The following MICAL2 variants were observed in gnomAD, a reference collection of about 807,000 sequenced individuals.
MICAL2 encodes [F-actin]-monooxygenase MICAL2.
A neutral mutation model predicts 127.3 loss-of-function variants in MICAL2; 77 were observed. That is an observed-to-expected ratio of 0.60 (90% CI 0.50 to 0.73). The LOEUF (loss-of-function observed/expected upper bound fraction) is 0.73, where lower values mean the gene tolerates loss of function less well. MICAL2 is among the 30% of genes least tolerant of loss of function. The pLI is 0.00. For missense variants in MICAL2, 1,351 were observed against 1,434.4 expected (o/e 0.94, Z 0.94); for synonymous variants, 570 against 551.1 (o/e 1.03, Z -0.48).
intron 1 of MICAL2, among the ~76,000 whole-genome samples, chr11:12,278,302 T>A (rs1863740917): frequency 1.3e-5 from 2 of 152,204 alleles, no homozygotes; most frequent in African/African-American, 4.8e-5. Flanking sequence ...GCTGGAAAAA[T>A]ATTTTCTTTC....
chr11:12,344,472 CTATTATTATTAT>C (rs1555024327), intron 32 of MICAL2, among the ~76,000 whole-genome samples: 3,580 of 141,426 alleles, frequency 0.025, 123 homozygotes, highest in African/African-American at 0.085. Flanking sequence ...ATTCTAGAAA[CTATTATTATTAT>C]TATTATTATT....
downstream of MICAL2, chr11:12,358,894 T>C (rs2134917194): frequency 6.5e-6 from 1 of 153,444 alleles, no homozygotes; most frequent in East Asian, 1.9e-4. Flanking sequence ...CTTTTTTGTA[T>C]GGATGACCAG....
At chr11:12,239,255 C>T (rs756815286) in intron 16 of MICAL2, among the ~76,000 whole-genome samples, 181 bp from the exon 17 acceptor site, 2 of 152,204 alleles carry the variant, frequency 1.3e-5, no homozygotes, top group Non-Finnish European at 2.9e-5. Flanking sequence ...TTTGGAAAGA[C>T]GCATCCCTCC....
At chr11:12,122,452 C>G (rs938118102) in intron 1 of MICAL2, among the ~76,000 whole-genome samples, 2 of 152,200 alleles carry the variant, frequency 1.3e-5, no homozygotes, top group East Asian at 3.8e-4. Flanking sequence ...CACTCCGTCA[C>G]CCAGGCTGCA....
At chr11:12,243,924 GCATGT>G (rs1251926029) in intron 20 of MICAL2, 58 bp from the exon 21 acceptor site, 1 of 1,584,200 alleles carries the variant, frequency 6.3e-7, no homozygotes, top group Admixed American at 1.7e-5. Context: ...CATGATTGAG[GCATGT>G]ATCACCATGT....
chr11:12,239,682 C>G, intron 17 of MICAL2, 97 bp downstream of exon 17: 2 of 1,446,100 alleles, frequency 1.4e-6, no homozygotes, highest in East Asian at 4.7e-5. Flanking sequence ...CCAGCCAGGC[C>G]TGGTCCCAAG....
chr11:12,354,940 G>T lies in MICAL2; in HGVS notation c.5689+83G>T, dbSNP rs545234243. 2.6e-5 allele frequency: 34 copies of T among 1,293,442 alleles called. 1 individual carries two copies. Among genetic ancestry groups the T allele is most frequent in the Admixed American group, 6.1e-5 (3 of 49,142 alleles). 80.1% of individuals were successfully genotyped at this position (1,293,442 alleles called of 1,614,324 possible). A position where few individuals can be genotyped will look rare whatever the true frequency, so the allele number is the denominator to read the frequency against. Reference sequence around the variant, plus strand: ...TGTGCCACAAATCCCAGAGTGGGGCGCTCTTCCTGCCTGCCAGCCTGCAAG... The same window carrying T: ...TGTGCCACAAATCCCAGAGTGGGGCTCTCTTCCTGCCTGCCAGCCTGCAAG... On this transcript the variant is annotated intron_variant, in intron 34 of 34. Coordinates refer to the MICAL2 transcript ENST00000646065.
At chr11:12,120,576 G>A (rs1278279112) in intron 1 of MICAL2, among the ~76,000 whole-genome samples, 1 of 152,206 alleles carries the variant, frequency 6.6e-6, no homozygotes, top group East Asian at 1.9e-4. Context: ...AACCAGGGGA[G>A]GCTTCCTGGA....
At chr11:12,329,564 G>T (rs1008459297) in intron 32 of MICAL2, among the ~76,000 whole-genome samples, 18 of 152,094 alleles carry the variant, frequency 1.2e-4, no homozygotes, top group Non-Finnish European at 2.1e-4. Context: ...GAATAGTCCT[G>T]GGAAAATCAC....
intron 29 of MICAL2, among the ~76,000 whole-genome samples, chr11:12,314,777 T>G (rs1864215577): frequency 6.6e-6 from 1 of 151,996 alleles, no homozygotes. Context: ...TGAGTCACCT[T>G]GCCCGGCCAG....
Position 12,349,761 on chromosome 11 carries a change from C to T in MICAL2, c.5516-77C>T. Reference sequence around the variant, plus strand: ...CCCTTGTCACTACAAACATAACCTGCTAAAGTGGCTCAAAGCAGTTTGATC... The same window carrying T: ...CCCTTGTCACTACAAACATAACCTGTTAAAGTGGCTCAAAGCAGTTTGATC... On this transcript the variant is annotated intron_variant, in intron 32 of 34. Coordinates refer to the MICAL2 transcript ENST00000646065. 9 of 1,410,552 alleles carry T rather than the reference C, an allele frequency of 6.4e-6. No homozygotes were observed. In the South Asian group the frequency reaches 9.5e-5, roughly 15 times the overall value. 87.4% of individuals were successfully genotyped at this position (1,410,552 alleles called of 1,614,324 possible). A position where few individuals can be genotyped will look rare whatever the true frequency, so the allele number is the denominator to read the frequency against.
chr11:12,293,884 A>G (rs1276455560), downstream of MICAL2: 3 of 1,610,564 alleles, frequency 1.9e-6, no homozygotes, highest in African/African-American at 4.0e-5. Context: ...CCTTGGCTGG[A>G]GAAGACCGGG....
intron 2 of MICAL2, among the ~76,000 whole-genome samples, chr11:12,158,366 C>T (rs1192527364): frequency 6.6e-6 from 1 of 152,026 alleles, no homozygotes; most frequent in Non-Finnish European, 1.5e-5. Flanking sequence ...TTTGAAGAAT[C>T]GTAATGAGTA....
intron 2 of MICAL2, chr11:12,286,908 TAG>T (rs1863833638): frequency 2.6e-6 from 1 of 383,294 alleles, no homozygotes; most frequent in Non-Finnish European, 4.6e-6. Context: ...AAAAGTTTGG[TAG>T]AGTGTGTTGT....
intron 2 of MICAL2, among the ~76,000 whole-genome samples, chr11:12,147,579 A>G (rs1485210351): frequency 6.6e-6 from 1 of 152,250 alleles, no homozygotes; most frequent in African/African-American, 2.4e-5. Context: ...TAAATTGTCC[A>G]GACAAGATTA....
At chr11:12,358,404 C>T (rs1363665372) in exon 35 of MICAL2, 2 of 1,614,164 alleles carry the variant, frequency 1.2e-6, no homozygotes, top group Non-Finnish European at 1.7e-6. Flanking sequence ...AGGAACAACG[C>T]ATCAGAGAAA....
At chr11:12,242,863 T>A in intron 20 of MICAL2, 91 bp downstream of exon 20, 1 of 864,450 alleles carries the variant, frequency 1.2e-6, no homozygotes, top group Non-Finnish European at 1.8e-6. Context: ...AATTTTCTCC[T>A]CCTTCCTCCT....
intron 16 of MICAL2, among the ~76,000 whole-genome samples, chr11:12,238,371 C>A (rs994085575): frequency 6.6e-6 from 1 of 152,142 alleles, no homozygotes; most frequent in African/African-American, 2.4e-5. Context: ...TATGGAACTC[C>A]GTTTTATAAA....
At chr11:12,356,195 T>G (rs1939125483) in intron 34 of MICAL2, among the ~76,000 whole-genome samples, 1 of 152,198 alleles carries the variant, frequency 6.6e-6, no homozygotes, top group Non-Finnish European at 1.5e-5. Flanking sequence ...CCCTGTCAGA[T>G]GTATCCAAAA....
Sources: allele counts gnomAD v4.1 joint callset (sites outside exome capture counted in the v4.1 genomes callset), GRCh38; gene constraint gnomAD v4.1.1; transcripts MANE v1.5; gene names NCBI Gene and HGNC (gene_info 2026-07-23, HGNC 2026-07-21).